Variants in ENTREP2 observed in about 807,000 individuals in gnomAD.
ENTREP2 encodes the protein endosomal transmembrane epsin interactor 2.
At chr15:29,378,062 C>T in the ENTREP2 span, among the ~76,000 whole-genome samples, 2 of 151,754 alleles carry the variant, frequency 1.3e-5, no homozygotes, top group Non-Finnish European at 2.9e-5. Flanking sequence ...AAGATAATGT[C>T]CACACAGACT....
the ENTREP2 span, among the ~76,000 whole-genome samples, chr15:29,371,911 A>G: frequency 2.9e-4 from 43 of 149,612 alleles, no homozygotes; most frequent in South Asian, 6.4e-4. Context: ...AAAATAAATA[A>G]ATAGATAGAT....
chr15:29,220,024 T>G, the ENTREP2 span, among the ~76,000 whole-genome samples: 27 of 152,040 alleles, frequency 1.8e-4, no homozygotes, highest in Non-Finnish European at 3.5e-4. Flanking sequence ...AAATAAAAAA[T>G]AAAAATAAAA....
chr15:29,380,551 T>C, the ENTREP2 span, among the ~76,000 whole-genome samples: 9 of 152,120 alleles, frequency 5.9e-5, no homozygotes, highest in Non-Finnish European at 8.8e-5. Context: ...TATTAATGCA[T>C]ACACTGAGAA....
At chr15:29,127,032 G>A in the ENTREP2 span, among the ~76,000 whole-genome samples, 1 of 152,182 alleles carries the variant, frequency 6.6e-6, no homozygotes, top group Non-Finnish European at 1.5e-5. Context: ...GGGGAATGCA[G>A]ACTCTCAGCT....
At chr15:29,488,340 C>T in the ENTREP2 span, among the ~76,000 whole-genome samples, 1 of 151,908 alleles carries the variant, frequency 6.6e-6, no homozygotes, top group East Asian at 1.9e-4. Context: ...AGAAAGAACC[C>T]GCGAACATAA....
At chr15:29,629,831 A>T in the ENTREP2 span, among the ~76,000 whole-genome samples, 1 of 151,968 alleles carries the variant, frequency 6.6e-6, no homozygotes, top group East Asian at 1.9e-4. Flanking sequence ...TTAAAAGTAG[A>T]TTTGGCTGGG....
the ENTREP2 span, among the ~76,000 whole-genome samples, chr15:29,208,353 T>C: frequency 4.4e-3 from 667 of 152,244 alleles, 13 homozygotes; most frequent in Admixed American, 0.04. Context: ...TTGTAAAATG[T>C]TGATGCTTGC....
At chr15:29,123,218 C>A in the ENTREP2 span, 3 of 1,047,508 alleles carry the variant, frequency 2.9e-6, no homozygotes, top group Admixed American at 3.0e-5. Context: ...TCCTGGGTGT[C>A]CCCCCCACAT....
chr15:29,428,426 G>T, the ENTREP2 span, among the ~76,000 whole-genome samples: 1 of 151,988 alleles, frequency 6.6e-6, no homozygotes, highest in Non-Finnish European at 1.5e-5. Flanking sequence ...TGTTGACCAG[G>T]CTGGTCTTGA....
At chr15:29,208,478 G>A in the ENTREP2 span, among the ~76,000 whole-genome samples, 1 of 152,176 alleles carries the variant, frequency 6.6e-6, no homozygotes, top group South Asian at 2.1e-4. Flanking sequence ...CCAGTGGCAG[G>A]GGAAGCAATT....
the ENTREP2 span, among the ~76,000 whole-genome samples, chr15:29,290,258 A>G: frequency 1.6e-4 from 25 of 152,242 alleles, no homozygotes; most frequent in South Asian, 3.9e-3. Context: ...TTCTCCTCGC[A>G]GTCTGTTCCT....
the ENTREP2 span, among the ~76,000 whole-genome samples, chr15:29,657,708 GA>G: frequency 6.6e-6 from 1 of 152,088 alleles, no homozygotes; most frequent in Non-Finnish European, 1.5e-5. Flanking sequence ...TTGTGAGACA[GA>G]AAAGTTCCTG....
At chr15:29,662,963 T>C in the ENTREP2 span, among the ~76,000 whole-genome samples, 1 of 151,488 alleles carries the variant, frequency 6.6e-6, no homozygotes, top group Non-Finnish European at 1.5e-5. Flanking sequence ...TCCGCCCGCC[T>C]CGGCCTCCCA....
chr15:29,639,544 T>G, the ENTREP2 span, among the ~76,000 whole-genome samples: 1 of 152,242 alleles, frequency 6.6e-6, no homozygotes, highest in Non-Finnish European at 1.5e-5. Context: ...GCTAGAGCAG[T>G]TCTTACAGAT....
chr15:29,151,539 A>AC, the ENTREP2 span, among the ~76,000 whole-genome samples: 1 of 152,190 alleles, frequency 6.6e-6, no homozygotes, highest in Admixed American at 6.5e-5. Flanking sequence ...TGGAGCTCCA[A>AC]CAACACCTAA....
the ENTREP2 span, among the ~76,000 whole-genome samples, chr15:29,305,056 G>GA: frequency 6.6e-6 from 1 of 152,122 alleles, no homozygotes; most frequent in East Asian, 1.9e-4. Context: ...CCTTCATTAG[G>GA]ATGTGAGCTC....
the ENTREP2 span, among the ~76,000 whole-genome samples, chr15:29,596,100 T>C: frequency 2.0e-5 from 3 of 152,196 alleles, no homozygotes; most frequent in Non-Finnish European, 4.4e-5. Context: ...CTTCATTGCT[T>C]GTAGGCCTGC....
the ENTREP2 span, among the ~76,000 whole-genome samples, chr15:29,635,996 T>C: frequency 1.3e-5 from 2 of 152,156 alleles, no homozygotes; most frequent in Non-Finnish European, 2.9e-5. Flanking sequence ...CTCCTTCTCA[T>C]GGCGAGCCAA....
the ENTREP2 span, among the ~76,000 whole-genome samples, chr15:29,602,817 A>G: frequency 3.3e-5 from 5 of 152,212 alleles, no homozygotes; most frequent in Admixed American, 3.3e-4. Flanking sequence ...AGCTGCATTC[A>G]TTCAGAGCTA....
Sources: gnomAD v4.1 joint callset for allele counts (sites outside exome capture counted in the v4.1 genomes callset) on GRCh38, gnomAD v4.1.1 for gene constraint, MANE v1.5 for transcripts, NCBI Gene and HGNC (gene_info 2026-07-23, HGNC 2026-07-21) for gene names.